NKAIN2: variants seen among roughly 807,000 people sequenced by gnomAD.
NKAIN2 encodes the protein sodium/potassium-transporting ATPase subunit beta-1-interacting protein 2.
NKAIN2 carries 14 observed loss-of-function variants against 32.6 expected under a neutral mutation model. The ratio of observed to expected loss-of-function variants is 0.43; its 90% CI spans 0.28 to 0.67. The LOEUF is 0.67. Ranked by LOEUF, NKAIN2 falls within the 30% of genes least tolerant of loss-of-function variation. The probability of loss-of-function intolerance (pLI) is 0.17; values close to 1 mark genes in which losing one functional copy is unlikely to be tolerated. For missense variants in NKAIN2, 198 were observed against 258.3 expected, an observed-to-expected ratio of 0.77 and a Z score of 1.60; for synonymous variants, 80 against 87.2, an observed-to-expected ratio of 0.92 and a Z score of 0.46.
At chr6:123,918,533 T>C (rs1171957494) in intron 1 of NKAIN2, among the ~76,000 whole-genome samples, 1 of 152,188 alleles carries the variant, frequency 6.6e-6, no homozygotes, top group Non-Finnish European at 1.5e-5. Flanking sequence ...GCTACTGTGT[T>C]GGTTAATTTT....
chr6:123,909,161 T>A (rs1342483097), intron 1 of NKAIN2, among the ~76,000 whole-genome samples: 1 of 152,126 alleles, frequency 6.6e-6, no homozygotes, highest in Non-Finnish European at 1.5e-5. Flanking sequence ...TGTCTCTGAG[T>A]CTTCTTCACT....
chr6:124,221,149 A>G (rs1582873140), intron 1 of NKAIN2, among the ~76,000 whole-genome samples: 1 of 151,944 alleles, frequency 6.6e-6, no homozygotes. Context: ...AAGACTTGGA[A>G]CCAACCCAAA....
intron 5 of NKAIN2, among the ~76,000 whole-genome samples, chr6:124,808,234 A>C (rs572960420): frequency 0.024 from 3,599 of 151,800 alleles, 122 homozygotes; most frequent in African/African-American, 0.08. Flanking sequence ...AAAAATCCTC[A>C]ATAAAATACT....
intron 3 of NKAIN2, among the ~76,000 whole-genome samples, chr6:124,488,353 CA>C (rs1777734743): frequency 6.6e-6 from 1 of 151,730 alleles, no homozygotes. Context: ...CGTATCCAGG[CA>C]ATATGAGGTA....
At position 124,818,481 on chromosome 6, in the gene NKAIN2, C is replaced by G. The variant is rs1781266882; in HGVS notation, c.617+13C>G. 1 of 1,366,174 alleles carries G rather than the reference C, an allele frequency of 7.3e-7. No individual in the cohort carries two copies. The highest frequency in any genetic ancestry group is 1.2e-5 in the South Asian group (1 of 82,994). 84.6% of individuals were successfully genotyped at this position (1,366,174 alleles called of 1,614,324 possible). ...AGCCTATGTACATGTAAGTATTTTA[C>G]TTGGAAGGTACTCTTCTGGGGTACT... On this transcript the variant is annotated intron_variant, in intron 6 of 6. Transcript: ENST00000368417.
At chr6:124,233,720 T>G (rs1201971167) in intron 1 of NKAIN2, among the ~76,000 whole-genome samples, 1 of 152,198 alleles carries the variant, frequency 6.6e-6, no homozygotes, top group Non-Finnish European at 1.5e-5. Flanking sequence ...TTTTATGTGA[T>G]GTCTACTAGG....
chr6:123,834,930 G>C (rs1280975727), intron 1 of NKAIN2, among the ~76,000 whole-genome samples: 2 of 152,126 alleles, frequency 1.3e-5, no homozygotes, highest in South Asian at 4.1e-4. Context: ...CTTGGTTGTG[G>C]TGTATAATTC....
chr6:124,229,533 T>TAGATAGATAGATAGACAGAC (rs1298590453), intron 1 of NKAIN2, among the ~76,000 whole-genome samples: 11 of 149,170 alleles, frequency 7.4e-5, no homozygotes, highest in Middle Eastern at 3.4e-3. Flanking sequence ...GATAGATAGA[T>TAGATAGATAGATAGACAGAC]AGACAGACAG....
intron 3 of NKAIN2, among the ~76,000 whole-genome samples, chr6:124,361,590 AT>A (rs1297228623): frequency 1.3e-5 from 2 of 152,072 alleles, no homozygotes; most frequent in African/African-American, 4.8e-5. Context: ...GAATGAACAC[AT>A]TTAGAAGCAA....
intron 3 of NKAIN2, among the ~76,000 whole-genome samples, chr6:124,642,848 G>A (rs577232972): frequency 3.3e-5 from 5 of 152,184 alleles, no homozygotes; most frequent in African/African-American, 1.2e-4. Context: ...ACATAAATAT[G>A]TTTTAAGGTA....
At position 124,726,331 on chromosome 6, in the gene NKAIN2, G is replaced by C. The variant is rs534994354; in HGVS notation, c.475-65008G>C. Among the ~76,000 whole-genome samples the C allele has an allele frequency of 2.0e-5, 3 of 152,330 alleles. No homozygotes were observed. The East Asian group carries it at 5.8e-4, about 29-fold the overall frequency. Reference sequence around the variant, plus strand: ...CTGTCTGACAGCTTTGAAGAGAGCAGTGGTTCTCCCAGCACACAGCTAGAG... The same window carrying C: ...CTGTCTGACAGCTTTGAAGAGAGCACTGGTTCTCCCAGCACACAGCTAGAG... On this transcript the variant is annotated intron_variant, in intron 4 of 6. Coordinates refer to ENST00000368417, the MANE Select transcript of NKAIN2 (RefSeq NM_001040214.3).
intron 4 of NKAIN2, among the ~76,000 whole-genome samples, chr6:124,757,080 A>G (rs1777997867): frequency 1.7e-5 from 2 of 119,762 alleles, no homozygotes; most frequent in African/African-American, 6.0e-5. Context: ...TTCATTTGTA[A>G]TCTTTTCTTC....
At chr6:124,047,434 TTC>T (rs746006911) in intron 1 of NKAIN2, among the ~76,000 whole-genome samples, 6 of 146,496 alleles carry the variant, frequency 4.1e-5, no homozygotes, top group South Asian at 2.3e-4. Flanking sequence ...GAAATTTACT[TTC>T]TCTCTCTCTC....
chr6:123,851,543 G>T (rs1316449617), intron 1 of NKAIN2, among the ~76,000 whole-genome samples: 2 of 151,954 alleles, frequency 1.3e-5, no homozygotes, highest in African/African-American at 4.8e-5. Flanking sequence ...GAGCCACCAC[G>T]CCCAGCTGTT....
chr6:124,759,885 C>T (rs908071521), intron 4 of NKAIN2, among the ~76,000 whole-genome samples: 2 of 151,724 alleles, frequency 1.3e-5, no homozygotes, highest in Non-Finnish European at 2.9e-5. Flanking sequence ...TACACATGAT[C>T]CATGTGCCTT....
chr6:124,233,787 A>G (rs1417633441), intron 1 of NKAIN2, among the ~76,000 whole-genome samples: 1 of 152,216 alleles, frequency 6.6e-6, no homozygotes, highest in African/African-American at 2.4e-5. Flanking sequence ...AAAATTCTGC[A>G]GTAACAAGAA....
chr6:124,343,651 A>G (rs36194690), intron 2 of NKAIN2, among the ~76,000 whole-genome samples: 42,145 of 141,656 alleles, frequency 0.3, 7,276 homozygotes, highest in South Asian at 0.42. Context: ...GTCTGTTGAT[A>G]TCCTTCGCCC....
rs1216484529 is a variant in NKAIN2, at chr6:124,177,773, A to ATT, written c.55-105205_55-105204dup. On this transcript the variant is annotated intron_variant, in intron 1 of 6. Transcript: ENST00000368417. ...GGCGCAACGGAGTTTCTGTTCATCC[A>ATT]TTTTTTTTTTTTTTTTTTTTTTTTT... is the stretch of plus-strand genomic sequence containing the variant. Among the ~76,000 whole-genome samples, 46 of 22,262 alleles carry ATT rather than the reference A, an allele frequency of 2.1e-3. 17 individuals carry two copies. The highest frequency in any genetic ancestry group is 5.5e-3 in the African/African-American group (41 of 7,404). 14.6% of individuals were successfully genotyped at this position (22,262 alleles called of 152,430 possible).
rs926335470 is a variant in NKAIN2, at chr6:124,144,578, T to TA, written c.55-138419dup. 5.3e-5 allele frequency among the ~76,000 whole-genome samples: 8 copies of TA among 151,618 alleles called. No individual in the cohort carries two copies. The South Asian group carries it at 6.3e-4, about 12-fold the overall frequency. ...TAAATGGTGCTGGAACATCCACAAT[T>TA]AAAAAAAATAAAGAATCTTGATCTA... On this transcript the variant is annotated intron_variant, in intron 1 of 6. Transcript: ENST00000368417.
Sources: gnomAD v4.1 joint callset for allele counts (sites outside exome capture counted in the v4.1 genomes callset) on GRCh38, gnomAD v4.1.1 for gene constraint, MANE v1.5 for transcripts, NCBI Gene and HGNC (gene_info 2026-07-23, HGNC 2026-07-21) for gene names.